Variants in RAPGEF2 observed in about 807,000 individuals in gnomAD.
The protein encoded by RAPGEF2 is Rap guanine nucleotide exchange factor 2.
RAPGEF2 carries 54 observed loss-of-function variants against 186.7 expected under a neutral mutation model. The observed-to-expected ratio is 0.29, with a 90% CI of 0.23 to 0.36. The LOEUF (loss-of-function observed/expected upper bound fraction) is 0.36, where lower values mean the gene tolerates loss of function less well. RAPGEF2 is among the 10% of genes least tolerant of loss of function. RAPGEF2 has a pLI of 1.00. For synonymous variants in RAPGEF2, 712 were observed against 705.9 expected, an observed-to-expected ratio of 1.01 and a Z score of -0.14; for missense variants, 1,532 against 2,045.0, an observed-to-expected ratio of 0.75 and a Z score of 4.84.
intron 3 of RAPGEF2, among the ~76,000 whole-genome samples, chr4:159,207,493 C>G (rs1458355820): frequency 6.6e-6 from 1 of 152,192 alleles, no homozygotes; most frequent in Non-Finnish European, 1.5e-5. Context: ...TGTTATTTCT[C>G]TCTGTCACAG....
intron 14 of RAPGEF2, 23 bp from the exon 15 acceptor site, chr4:159,331,607 C>A: frequency 6.2e-7 from 1 of 1,613,294 alleles, no homozygotes; most frequent in Non-Finnish European, 8.5e-7. Flanking sequence ...TGAGTTGACA[C>A]TACTGTTTCT....
At chr4:159,157,625 T>C (rs990822326) in intron 1 of RAPGEF2, among the ~76,000 whole-genome samples, 4 of 152,242 alleles carry the variant, frequency 2.6e-5, no homozygotes, top group African/African-American at 7.2e-5. Context: ...ACTTGGTATC[T>C]GTAATCTTCG....
At position 159,253,339 on chromosome 4, in the gene RAPGEF2, A is replaced by G. The variant is rs372758981; in HGVS notation, c.543+9548A>G. Among the ~76,000 whole-genome samples, 7 of 152,350 alleles carry G rather than the reference A, an allele frequency of 4.6e-5. No homozygotes were observed. In the South Asian group the frequency reaches 8.3e-4, roughly 18 times the overall value. On this transcript the variant is annotated intron_variant, in intron 7 of 29. Transcript: ENST00000691494. ...AATGAAAGGATCTTTTTACTTATGC[A>G]TACTTTTGTAACATCATGCATTGGT...
intron 4 of RAPGEF2, among the ~76,000 whole-genome samples, chr4:159,227,640 G>A (rs769298948): frequency 1.3e-5 from 2 of 152,168 alleles, no homozygotes; most frequent in Non-Finnish European, 2.9e-5. Flanking sequence ...TTGGTCACGA[G>A]GACATAGACA....
Position 159,247,440 on chromosome 4 carries a change from A to T in RAPGEF2, c.543+3649A>T, listed in dbSNP as rs148047214. Among the ~76,000 whole-genome samples the T allele has an allele frequency of 3.3e-3, 496 of 152,308 alleles. 5 individuals are homozygous for T. The highest frequency in any genetic ancestry group is 0.012 in the African/African-American group (480 of 41,564). On this transcript the variant is annotated intron_variant, in intron 7 of 29. Transcript: ENST00000691494. ...AGATATTTTGTACAGAAAGAATCTT[A>T]TTTGTTCAAAGACTTAGAGGTTGAG...
intron 7 of RAPGEF2, among the ~76,000 whole-genome samples, chr4:159,277,348 A>G (rs1049276588): frequency 6.6e-6 from 1 of 152,130 alleles, no homozygotes; most frequent in Non-Finnish European, 1.5e-5. Flanking sequence ...GTTGGTTCCA[A>G]GTCTTTGCTA....
intron 1 of RAPGEF2, among the ~76,000 whole-genome samples, chr4:159,147,737 A>G (rs187198214): frequency 6.6e-6 from 1 of 152,366 alleles, no homozygotes; most frequent in East Asian, 1.9e-4. Context: ...AGTAGAAATC[A>G]TCTCCACAGA....
At chr4:159,215,864 C>T (rs1045290732) in intron 4 of RAPGEF2, among the ~76,000 whole-genome samples, 2 of 152,162 alleles carry the variant, frequency 1.3e-5, no homozygotes, top group African/African-American at 2.4e-5. Flanking sequence ...GGCTGGAAAC[C>T]GGAGAGATTA....
chr4:159,332,328 T>C (rs1766799683), intron 16 of RAPGEF2, 123 bp from the exon 17 acceptor site: 5 of 1,017,162 alleles, frequency 4.9e-6, no homozygotes, highest in Non-Finnish European at 7.2e-6. Flanking sequence ...TTTCTGCAGG[T>C]TTGCAGTTTT....
chr4:159,267,928 A>G (rs919226362), intron 7 of RAPGEF2: 20 of 1,297,612 alleles, frequency 1.5e-5, no homozygotes, highest in Middle Eastern at 2.9e-4. Flanking sequence ...TAGAGTTTCA[A>G]TGTTATAAAA....
chr4:159,243,461 G>A (rs573113519), intron 6 of RAPGEF2, among the ~76,000 whole-genome samples: 1 of 151,878 alleles, frequency 6.6e-6, no homozygotes, highest in Middle Eastern at 3.4e-3. Context: ...TTACCCCTAC[G>A]CCATATTTAC....
At chr4:159,113,681 G>T (rs1738742780) in intron 1 of RAPGEF2, among the ~76,000 whole-genome samples, 1 of 148,128 alleles carries the variant, frequency 6.8e-6, no homozygotes, top group Non-Finnish European at 1.5e-5. Context: ...GGTGGAGGTT[G>T]CAGTGAGCCG....
chr4:159,203,118 T>C (rs1486763754), intron 3 of RAPGEF2, among the ~76,000 whole-genome samples: 2 of 152,184 alleles, frequency 1.3e-5, no homozygotes, highest in Non-Finnish European at 2.9e-5. Context: ...CCTCCTTAAA[T>C]GAGAATGTGG....
At chr4:159,328,024 A>T (rs754780891) in intron 11 of RAPGEF2, 4 of 152,138 alleles carry the variant, frequency 2.6e-5, no homozygotes, top group Non-Finnish European at 5.9e-5. Context: ...TTTTTCCCTT[A>T]TATCTACTTA....
At chr4:159,241,930 A>G (rs1422524162) in intron 6 of RAPGEF2, among the ~76,000 whole-genome samples, 1 of 152,100 alleles carries the variant, frequency 6.6e-6, no homozygotes, top group Non-Finnish European at 1.5e-5. Context: ...GTGAAGGAGG[A>G]ATAATTTGAA....
intron 7 of RAPGEF2, among the ~76,000 whole-genome samples, chr4:159,272,786 A>G (rs766747219): frequency 7.9e-5 from 12 of 152,248 alleles, no homozygotes; most frequent in Non-Finnish European, 1.5e-4. Context: ...AGACTGTGTT[A>G]GAGAGAAGTA....
At chr4:159,141,676 C>T (rs887602589) in intron 1 of RAPGEF2, among the ~76,000 whole-genome samples, 2 of 152,074 alleles carry the variant, frequency 1.3e-5, no homozygotes, top group African/African-American at 2.4e-5. Flanking sequence ...TTTCCACCAA[C>T]AGTGTATAAA....
At chr4:159,157,859 A>C (rs932211031) in intron 1 of RAPGEF2, among the ~76,000 whole-genome samples, 3 of 152,166 alleles carry the variant, frequency 2.0e-5, no homozygotes, top group Non-Finnish European at 4.4e-5. Flanking sequence ...ATTTGAAGTT[A>C]TTCCACTCAT....
chr4:159,231,045 C>G (rs957319309), intron 4 of RAPGEF2, among the ~76,000 whole-genome samples: 4 of 151,918 alleles, frequency 2.6e-5, no homozygotes, highest in Non-Finnish European at 4.4e-5. Context: ...AGTAATGGAC[C>G]ACATATACAG....
Sources: gnomAD v4.1 joint callset for allele counts (sites outside exome capture counted in the v4.1 genomes callset) on GRCh38, gnomAD v4.1.1 for gene constraint, MANE v1.5 for transcripts, NCBI Gene and HGNC (gene_info 2026-07-23, HGNC 2026-07-21) for gene names.